NEK6: variants seen among roughly 807,000 people sequenced by gnomAD.
The protein encoded by NEK6 is serine/threonine-protein kinase Nek6.
A neutral mutation model predicts 43.5 loss-of-function variants in NEK6; 27 were observed. That is an observed-to-expected ratio of 0.62 (90% CI 0.46 to 0.86). The LOEUF is 0.86. Ranked by LOEUF, NEK6 falls within the 40% of genes least tolerant of loss-of-function variation. The pLI is 0.00. For missense variants in NEK6, 318 were observed against 414.4 expected (o/e 0.77, Z 2.02); for synonymous variants, 167 against 164.1 (o/e 1.02, Z -0.14).
chr9:124,321,644 C>A, intron 5 of NEK6, 75 bp downstream of exon 5: 1 of 997,098 alleles, frequency 1.0e-6, no homozygotes, highest in South Asian at 1.3e-5. Flanking sequence ...TCCTTTAGCC[C>A]AGTCCCACAA....
intron 1 of NEK6, chr9:124,292,288 C>G: frequency 7.5e-7 from 1 of 1,336,626 alleles, no homozygotes. Flanking sequence ...ACCAACCTGA[C>G]AGGACCTTTG....
At chr9:124,301,833 T>C (rs1832993023) in intron 1 of NEK6, 103 bp from the exon 2 acceptor site, 1 of 941,050 alleles carries the variant, frequency 1.1e-6, no homozygotes, top group African/African-American at 1.6e-5. Context: ...CTGAACGGCT[T>C]TGCACCTCAG....
At chr9:124,299,536 C>T (rs779674486) in intron 1 of NEK6, among the ~76,000 whole-genome samples, 2 of 152,176 alleles carry the variant, frequency 1.3e-5, no homozygotes, top group Non-Finnish European at 2.9e-5. Flanking sequence ...ACCTGCGCTC[C>T]AGTGCAAGAA....
intron 9 of NEK6, among the ~76,000 whole-genome samples, chr9:124,349,700 T>G (rs1830147271): frequency 6.6e-6 from 1 of 152,258 alleles, no homozygotes; most frequent in Non-Finnish European, 1.5e-5. Flanking sequence ...ACACTTCACC[T>G]GAATCTGGTT....
chr9:124,257,980 G>C lies in NEK6; in HGVS notation c.-135G>C, dbSNP rs1415749147. On this transcript the variant is annotated 5_prime_UTR_variant, in exon 1 of 10. Coordinates refer to ENST00000320246, the MANE Select transcript of NEK6 (RefSeq NM_014397.6). ...GCGGCGGCGGCGGAACCGAGCTGAC[G>C]GGCGTGCGGCCGCTGCGCCGCAAAC... 6 of 978,934 alleles carry C rather than the reference G, an allele frequency of 6.1e-6. No homozygotes were observed. The East Asian group carries it at 6.9e-4, about 113-fold the overall frequency. 60.6% of individuals were successfully genotyped at this position (978,934 alleles called of 1,614,324 possible).
At chr9:124,301,061 G>A (rs771027443) in intron 1 of NEK6, among the ~76,000 whole-genome samples, 3 of 152,204 alleles carry the variant, frequency 2.0e-5, no homozygotes, top group Admixed American at 6.5e-5. Flanking sequence ...TGGGGTGAGC[G>A]CAGGTCTCTC....
intron 1 of NEK6, among the ~76,000 whole-genome samples, chr9:124,278,431 TCC>T (rs1304650323): frequency 6.6e-6 from 1 of 152,200 alleles, no homozygotes; most frequent in Non-Finnish European, 1.5e-5. Context: ...GAGGGCTGTT[TCC>T]AGGTCTGTCC....
chr9:124,288,449 A>AT (rs1832256674), intron 1 of NEK6, among the ~76,000 whole-genome samples: 1 of 151,974 alleles, frequency 6.6e-6, no homozygotes, highest in African/African-American at 2.4e-5. Context: ...CACCCAGCTA[A>AT]TTTTTTGTAT....
intron 8 of NEK6, among the ~76,000 whole-genome samples, chr9:124,346,400 C>T (rs866885123): frequency 6.6e-6 from 1 of 152,196 alleles, no homozygotes. Flanking sequence ...GACTCCTCCC[C>T]GCTCAGCCTC....
chr9:124,339,765 G>T, intron 8 of NEK6, 100 bp downstream of exon 8: 1 of 849,364 alleles, frequency 1.2e-6, no homozygotes, highest in Non-Finnish European at 2.0e-6. Context: ...TTGGAACCCA[G>T]GAATGTCACG....
In NEK6 at chr9:124,326,207, C is replaced by CA; in HGVS notation, c.406-123_406-122insA. The stretch of plus-strand genomic sequence containing the variant: ...TTGTTTGCTCAGTGGCTCAATCCCC[C>CA]CCCCCCGCCCCTGCCAGGCACCAGT... On this transcript the variant is annotated intron_variant, in intron 5 of 9. Transcript: ENST00000320246. The surrounding 1 kb of genome is among the most constrained non-coding windows in gnomAD (Gnocchi z 4.5). 1 of 182,516 alleles carries CA rather than the reference C, an allele frequency of 5.5e-6. No homozygotes were observed. Among genetic ancestry groups the CA allele is most frequent in the African/African-American group, 2.8e-5 (1 of 35,674 alleles). 11.3% of individuals were successfully genotyped at this position (182,516 alleles called of 1,614,324 possible). A position where few individuals can be genotyped will look rare whatever the true frequency, so the allele number is the denominator to read the frequency against.
At chr9:124,346,335 T>C (rs1829922453) in intron 8 of NEK6, among the ~76,000 whole-genome samples, 2 of 152,100 alleles carry the variant, frequency 1.3e-5, no homozygotes, top group African/African-American at 2.4e-5. Flanking sequence ...GAACACAGAA[T>C]GGGGCAAGAC....
At chr9:124,296,003 T>C (rs1242403275) in intron 1 of NEK6, among the ~76,000 whole-genome samples, 1 of 152,244 alleles carries the variant, frequency 6.6e-6, no homozygotes, top group African/African-American at 2.4e-5. Context: ...TGTTGGCTGA[T>C]GTTGAAGTTG....
At chr9:124,263,812 G>GC (rs902587546) in intron 1 of NEK6, among the ~76,000 whole-genome samples, 1 of 152,178 alleles carries the variant, frequency 6.6e-6, no homozygotes, top group African/African-American at 2.4e-5. Context: ...CACCAGGGTG[G>GC]CCCTGTGGCG....
chr9:124,342,388 A>G (rs1419087066), intron 8 of NEK6, among the ~76,000 whole-genome samples: 1 of 152,200 alleles, frequency 6.6e-6, no homozygotes, highest in Non-Finnish European at 1.5e-5. Context: ...ACTTTCATCC[A>G]AATCCCAGCT....
chr9:124,334,674 G>A (rs1829197389), intron 7 of NEK6, among the ~76,000 whole-genome samples: 1 of 152,262 alleles, frequency 6.6e-6, no homozygotes, highest in Non-Finnish European at 1.5e-5. Flanking sequence ...CCAGGGGAGG[G>A]GACCTTAAAG....
At chr9:124,313,447 A>G in intron 3 of NEK6, among the ~76,000 whole-genome samples, 1 of 151,890 alleles carries the variant, frequency 6.6e-6, no homozygotes, top group Non-Finnish European at 1.5e-5. Flanking sequence ...AGCTCACTGC[A>G]ACCTCTGCCT....
rs1403709559 is a variant in NEK6 at position 124,343,044 on chromosome 9, C to G, written c.717+3379C>G. On this transcript the variant is annotated intron_variant, in intron 8 of 9. Transcript: ENST00000320246. The surrounding 1 kb of genome is among the most constrained non-coding windows in gnomAD (Gnocchi z 5.1). Reference sequence around the variant, plus strand: ...ACAGCCCATCCTGTGCCAGGCCTCACTGAATTCTGGCTCGGGCAGTCCTCC... The same window carrying G: ...ACAGCCCATCCTGTGCCAGGCCTCAGTGAATTCTGGCTCGGGCAGTCCTCC... Among the ~76,000 whole-genome samples, 2 of 152,224 alleles carry G rather than the reference C, an allele frequency of 1.3e-5. No homozygotes were observed. The highest frequency in any genetic ancestry group is 2.9e-5 in the Non-Finnish European group (2 of 68,036).
At chr9:124,336,928 C>T (rs1172622362) in intron 7 of NEK6, among the ~76,000 whole-genome samples, 1 of 151,274 alleles carries the variant, frequency 6.6e-6, no homozygotes, top group African/African-American at 2.4e-5. Flanking sequence ...AGATTCACTT[C>T]AACCCGGAAG....
Sources: allele counts gnomAD v4.1 joint callset (sites outside exome capture counted in the v4.1 genomes callset), GRCh38; gene constraint gnomAD v4.1.1; non-coding constraint Gnocchi (gnomAD v3.1); transcripts MANE v1.5; gene names NCBI Gene and HGNC (gene_info 2026-07-23, HGNC 2026-07-21).